THEM5: variants seen among roughly 807,000 people sequenced by gnomAD.
THEM5 encodes the protein acyl-coenzyme A thioesterase THEM5.
A neutral mutation model predicts 24.2 loss-of-function variants in THEM5; 28 were observed. The observed-to-expected ratio is 1.16, with a 90% CI of 0.86 to 1.59. The LOEUF (loss-of-function observed/expected upper bound fraction) is 1.59. Among genes scored for constraint, THEM5 ranks in the 40% most tolerant of loss-of-function variants. The pLI is 0.00. For missense variants in THEM5, 260 were observed against 296.8 expected (o/e 0.88, Z 0.91); for synonymous variants, 87 against 114.5 (o/e 0.76, Z 1.53).
chr1:151,853,107 CT>C (rs1653171056), intron 1 of THEM5, among the ~76,000 whole-genome samples: 1 of 152,248 alleles, frequency 6.6e-6, no homozygotes, highest in Admixed American at 6.5e-5. Context: ...CCAGTCACAA[CT>C]GTAGACAGCA....
chr1:151,847,693 G>A (rs754602765), intron 5 of THEM5, 45 bp downstream of exon 5: 1 of 1,603,020 alleles, frequency 6.2e-7, no homozygotes, highest in East Asian at 2.2e-5. Flanking sequence ...CTGGGGGTGG[G>A]TGGTGGTGGG....
intron 5 of THEM5, 112 bp from the exon 6 acceptor site, chr1:151,847,526 C>G: frequency 1.4e-6 from 2 of 1,464,308 alleles, no homozygotes; most frequent in Non-Finnish European, 1.9e-6. Context: ...CCTGTCCTTT[C>G]GTTACAGGTT....
chr1:151,849,274 T>C (rs1442465575), intron 3 of THEM5, among the ~76,000 whole-genome samples: 2 of 151,824 alleles, frequency 1.3e-5, no homozygotes, highest in African/African-American at 4.8e-5. Flanking sequence ...GCAAGCTTTA[T>C]GTCAGCTACT....
At chr1:151,848,012 G>A in intron 4 of THEM5, 150 bp from the exon 5 acceptor site, 2 of 1,488,188 alleles carry the variant, frequency 1.3e-6, no homozygotes, top group Non-Finnish European at 1.8e-6. Flanking sequence ...AGCTCCCAAA[G>A]TTGGACAGCA....
At position 151,847,138 on chromosome 1, in the gene THEM5, C is replaced by G. The variant is rs1652955211; in HGVS notation, c.*233G>C. The G allele has an allele frequency of 1.4e-6, 1 of 725,870 alleles. No homozygotes were observed. The highest frequency in any genetic ancestry group is 2.5e-6 in the Non-Finnish European group (1 of 393,274). The allele number at this position is 725,870 out of a possible 1,614,324, so 45.0% of individuals were successfully genotyped here. ...ACTTTATTTACTCAGAGAAAAGGGT[C>G]CTTTCCCTCGCCTCACCAATTGCTG... On this transcript the variant is annotated 3_prime_UTR_variant, in exon 6 of 6. Coordinates refer to ENST00000368817, the MANE Select transcript of THEM5 (RefSeq NM_182578.4).
intron 4 of THEM5, 79 bp downstream of exon 4, chr1:151,848,103 C>T: frequency 1.3e-6 from 2 of 1,492,056 alleles, no homozygotes; most frequent in Non-Finnish European, 9.3e-7. Context: ...GGCTCCTACA[C>T]CCCAGCTGCC....
chr1:151,851,758 G>A (rs1653134257), intron 2 of THEM5, among the ~76,000 whole-genome samples: 1 of 152,106 alleles, frequency 6.6e-6, no homozygotes, highest in African/African-American at 2.4e-5. Context: ...ATACACATGC[G>A]TGCACACACG....
At chr1:151,848,367 C>T in intron 3 of THEM5, 75 bp from the exon 4 acceptor site, 3 of 1,180,270 alleles carry the variant, frequency 2.5e-6, no homozygotes, top group Non-Finnish European at 3.8e-6. Flanking sequence ...GGCCTTCCCT[C>T]CCTCCTGTGG....
intron 2 of THEM5, 137 bp downstream of exon 2, chr1:151,852,121 G>T (rs901077353): frequency 1.2e-6 from 1 of 821,570 alleles, no homozygotes; most frequent in Admixed American, 2.2e-5. Flanking sequence ...TGTTGCCTGG[G>T]GCTGCAGCAT....
intron 3 of THEM5, chr1:151,850,297 G>C (rs1308833100): frequency 2.0e-5 from 3 of 152,274 alleles, no homozygotes; most frequent in Non-Finnish European, 4.4e-5. Context: ...GGAAGAGAAG[G>C]GGGACAACCA....
Position 151,852,371 on chromosome 1 carries a change from T to C in THEM5, c.212A>G (p.Gln71Arg). 1.2e-6 allele frequency: 2 copies of C among 1,614,182 alleles called. No individual in the cohort carries two copies. The highest frequency in any genetic ancestry group is 1.7e-6 in the Non-Finnish European group (2 of 1,180,030). ...AGACTTAGTCTTCTCCAGAAATTCT[T>C]GGTACAGGCTCAGCATGTCCGAACA... is the stretch of plus-strand genomic sequence containing the variant. ...SWCSDMLSLY[Q>R]EFLEKTKSSG... The change falls in exon 2 of 6, where the codon CAA (glutamine) becomes CGA (arginine). Residue 71 changes from glutamine (Q) to arginine (R), a missense_variant. Coordinates refer to ENST00000368817, the MANE Select transcript of THEM5 (RefSeq NM_182578.4).
At chr1:151,847,472 T>C (rs1233143174) in intron 5 of THEM5, 58 bp from the exon 6 acceptor site, 1 of 1,607,094 alleles carries the variant, frequency 6.2e-7, no homozygotes, top group East Asian at 2.2e-5. Context: ...TGGAGCTTGA[T>C]GGACACTCTG....
At position 151,847,157 on chromosome 1, in the gene THEM5, A is replaced by G. The variant is rs928820661; in HGVS notation, c.*214T>C. 3 of 756,192 alleles carry G rather than the reference A, an allele frequency of 4.0e-6. No individual in the cohort carries two copies. The highest frequency in any genetic ancestry group is 2.7e-5 in the East Asian group (1 of 37,456). The allele number at this position is 756,192 out of a possible 1,614,324, so 46.8% of individuals were successfully genotyped here. A position where few individuals can be genotyped will look rare whatever the true frequency, so the allele number is the denominator to read the frequency against. ...AAGGGTCCTTTCCCTCGCCTCACCA[A>G]TTGCTGCTTGAGGACCCCTCCCTGC... On this transcript the variant is annotated 3_prime_UTR_variant, in exon 6 of 6. Transcript: ENST00000368817.
rs369242865 is a variant in THEM5, at chr1:151,847,341, G to A, written c.*30C>T. Reference sequence around the variant, plus strand: ...AGGAGGCAGGAGGCAGGCAGGGGAGGCAGTGGCTCTCCTGCAGGCACAGTG... The same window carrying A: ...AGGAGGCAGGAGGCAGGCAGGGGAGACAGTGGCTCTCCTGCAGGCACAGTG... On this transcript the variant is annotated 3_prime_UTR_variant, in exon 6 of 6. Transcript: ENST00000368817. The A allele has an allele frequency of 5.0e-6, 8 of 1,609,866 alleles. No homozygotes were observed. In the Admixed American group the frequency reaches 5.0e-5, roughly 10 times the overall value.
chr1:151,850,866 G>A (rs1653087633), intron 3 of THEM5, among the ~76,000 whole-genome samples, 187 bp downstream of exon 3: 1 of 152,176 alleles, frequency 6.6e-6, no homozygotes, highest in Non-Finnish European at 1.5e-5. Flanking sequence ...CTGCACACTG[G>A]GGATTAGGCC....
chr1:151,847,687 G>T (rs1273732780), intron 5 of THEM5, 51 bp downstream of exon 5: 8 of 1,601,196 alleles, frequency 5.0e-6, no homozygotes, highest in Non-Finnish European at 6.0e-6. Context: ...TTTGTTCTGG[G>T]GGTGGGTGGT....
rs73009637 is a variant in THEM5 at position 151,847,526 on chromosome 1, C to T, written c.701-112G>A. ...ACCCATTACCTGGGTCCTGTCCTTT[C>T]GTTACAGGTTGGATAACTCATATAT... On this transcript the variant is annotated intron_variant, in intron 5 of 5. Transcript: ENST00000368817. 2,915 of 1,464,304 alleles carry T rather than the reference C, an allele frequency of 2.0e-3. 56 individuals carry two copies. The African/African-American group carries it at 0.037, about 19-fold the overall frequency. The allele number at this position is 1,464,304 out of a possible 1,614,324, so 90.7% of individuals were successfully genotyped here.
At chr1:151,851,772 GCACA>G (rs375014604) in intron 2 of THEM5, among the ~76,000 whole-genome samples, 3 of 151,902 alleles carry the variant, frequency 2.0e-5, no homozygotes, top group South Asian at 2.1e-4. Flanking sequence ...ACACACGAGT[GCACA>G]CACACACACA....
chr1:151,853,548 G>A lies in THEM5; in HGVS notation c.18C>T (p.Phe6=). MIRRC[F]QVAARLGHHR... ...GGTGGCCAAGTCTTGCTGCCACCTG[G>A]AAGCATCTCCTTATCATGGCCAAGT... Residue 6 remains phenylalanine, a synonymous_variant, in exon 1 of 6, where the codon TTC becomes TTT. Transcript: ENST00000368817. 1 of 1,613,062 alleles carries A rather than the reference G, an allele frequency of 6.2e-7. No individual in the cohort carries two copies. Among genetic ancestry groups the A allele is most frequent in the South Asian group, 1.1e-5 (1 of 90,842 alleles).
Sources: gnomAD v4.1 joint callset for allele counts (sites outside exome capture counted in the v4.1 genomes callset) on GRCh38, gnomAD v4.1.1 for gene constraint, MANE v1.5 for transcripts, NCBI Gene and HGNC (gene_info 2026-07-23, HGNC 2026-07-21) for gene names.